Variants in MYOF observed in about 807,000 individuals in gnomAD.
The protein encoded by MYOF is fer-1-like 3, myoferlin.
Under a neutral mutation model 284.2 loss-of-function variants are expected in MYOF, and 244 were observed. The observed-to-expected ratio is 0.86, with a 90% confidence interval of 0.77 to 0.95. The LOEUF (loss-of-function observed/expected upper bound fraction) is 0.95. Among genes scored for constraint, MYOF ranks in the 40% least tolerant of loss-of-function variants. MYOF has a pLI of 0.00. For missense variants in MYOF, 2,496 were observed against 2,560.6 expected, an observed-to-expected ratio of 0.97 and a Z score of 0.54; for synonymous variants, 904 against 919.7, an observed-to-expected ratio of 0.98 and a Z score of 0.31.
At chr10:93,466,503 A>G (rs963145948) in intron 1 of MYOF, among the ~76,000 whole-genome samples, 2 of 152,162 alleles carry the variant, frequency 1.3e-5, no homozygotes, top group South Asian at 2.1e-4. Flanking sequence ...AGTCCAGTCC[A>G]TTTGAATGAC....
intron 1 of MYOF, among the ~76,000 whole-genome samples, chr10:93,468,754 C>T (rs1185214149): frequency 6.6e-6 from 1 of 152,204 alleles, no homozygotes; most frequent in African/African-American, 2.4e-5. Context: ...GCATGGCTTT[C>T]ACCTCTGGGC....
intron 3 of MYOF, among the ~76,000 whole-genome samples, chr10:93,446,936 C>G (rs148151524): frequency 6.6e-6 from 1 of 152,022 alleles, no homozygotes; most frequent in African/African-American, 2.4e-5. Flanking sequence ...AGGCTGTTCT[C>G]GAACTCCTGG....
At chr10:93,320,158 T>C (rs1842792420) in intron 48 of MYOF, 145 bp from the exon 49 acceptor site, 1 of 950,918 alleles carries the variant, frequency 1.1e-6, no homozygotes, top group Admixed American at 2.5e-5. Context: ...GAGCTGGGGG[T>C]GATTTATGGA....
chr10:93,333,192 C>A (rs1212667559), intron 43 of MYOF, 29 bp downstream of exon 43: 4 of 1,574,230 alleles, frequency 2.5e-6, no homozygotes, highest in Non-Finnish European at 3.5e-6. Context: ...GAAATGAAGG[C>A]CAGAAAAACA....
At chr10:93,373,176 G>C in intron 23 of MYOF, 91 bp from the exon 24 acceptor site, 1 of 1,459,420 alleles carries the variant, frequency 6.9e-7, no homozygotes, top group South Asian at 1.2e-5. Flanking sequence ...GACCCTCAGG[G>C]ATTCATTTAG....
intron 1 of MYOF, among the ~76,000 whole-genome samples, chr10:93,478,691 G>A (rs12251739): frequency 0.053 from 7,967 of 151,388 alleles, 495 homozygotes; most frequent in East Asian, 0.23. Context: ...AATTAGCTGG[G>A]CATGGTGGTG....
chr10:93,466,650 G>C (rs998085170), intron 1 of MYOF, among the ~76,000 whole-genome samples: 31 of 152,192 alleles, frequency 2.0e-4, no homozygotes, highest in Admixed American at 2.0e-3. Flanking sequence ...TGTGTTGTGT[G>C]CTGGGCATAT....
chr10:93,446,777 G>C (rs986631228), intron 3 of MYOF, among the ~76,000 whole-genome samples: 9 of 151,904 alleles, frequency 5.9e-5, no homozygotes, highest in Admixed American at 1.3e-4. Flanking sequence ...CTGGAGCGCA[G>C]TGGTGTGATC....
chr10:93,343,739 A>T, intron 38 of MYOF, 117 bp downstream of exon 38: 5 of 1,035,074 alleles, frequency 4.8e-6, no homozygotes, highest in Non-Finnish European at 7.4e-6. Flanking sequence ...CAATAAATGG[A>T]TTGGCTGATG....
chr10:93,308,586 A>G (rs1436355807), intron 53 of MYOF, among the ~76,000 whole-genome samples: 3 of 148,322 alleles, frequency 2.0e-5, no homozygotes, highest in Non-Finnish European at 4.5e-5. Context: ...CTCTGTCTCA[A>G]AAAAAAAAAA....
At chr10:93,408,070 C>T (rs1471055942) in intron 7 of MYOF, among the ~76,000 whole-genome samples, 1 of 152,082 alleles carries the variant, frequency 6.6e-6, no homozygotes, top group Non-Finnish European at 1.5e-5. Context: ...AAAGGCATCT[C>T]ACTATATTGC....
At position 93,310,111 on chromosome 10, in the gene MYOF, A is replaced by AT. The variant is rs1842315285; in HGVS notation, c.6055dup (p.Ile2019AsnfsTer7). ...GACCCACTTAAAGCGGCGCCACACG[A>AT]TGAACTTCATGGTCTTGCATGGGTT... On this transcript the variant is annotated frameshift_variant, in exon 53 of 54. Coordinates refer to ENST00000359263, the MANE Select transcript of MYOF (RefSeq NM_013451.4). LOFTEE classifies it high-confidence loss of function. 2 of 1,614,164 alleles carry AT rather than the reference A, an allele frequency of 1.2e-6. No individual in the cohort carries two copies. The highest frequency in any genetic ancestry group is 1.7e-6 in the Non-Finnish European group (2 of 1,180,030).
In MYOF at chr10:93,442,538, T is replaced by C. The variant is rs1481533966; in HGVS notation, c.236+9512A>G. 7.2e-5 allele frequency among the ~76,000 whole-genome samples: 11 copies of C among 152,290 alleles called. No individual in the cohort carries two copies. In the East Asian group the frequency reaches 1.9e-3, roughly 27 times the overall value. ...ACTGGAATACATTTCCTTCTAGGTA[T>C]ATTGTCAGGCCTTTTTGTTATCTCC... On this transcript the variant is annotated intron_variant, in intron 3 of 53. Transcript: ENST00000359263.
At chr10:93,388,453 C>T (rs1012676538) in intron 18 of MYOF, among the ~76,000 whole-genome samples, 2 of 152,150 alleles carry the variant, frequency 1.3e-5, no homozygotes, top group African/African-American at 4.8e-5. Flanking sequence ...GGATACTTCT[C>T]CCACCATACC....
chr10:93,306,721 A>AAAAC lies in MYOF; in HGVS notation c.*238_*241dup, dbSNP rs1412712386. The AAAAC allele has an allele frequency of 6.5e-6, 3 of 463,570 alleles. No individual in the cohort carries two copies. The highest frequency in any genetic ancestry group is 1.1e-5 in the Non-Finnish European group (3 of 266,062). The allele number at this position is 463,570 out of a possible 1,614,324, so 28.7% of individuals were successfully genotyped here. On this transcript the variant is annotated 3_prime_UTR_variant, in exon 54 of 54. Transcript: ENST00000359263. Reference sequence around the variant, plus strand: ...CCAGCCACCTTGAAAAATATTTTGAAAAACATGATTTAAACTTTAGAAAAT... The same window carrying AAAAC: ...CCAGCCACCTTGAAAAATATTTTGAAAAACAAACATGATTTAAACTTTAGAAAAT...
At chr10:93,409,498 A>C in intron 6 of MYOF, 75 bp downstream of exon 6, 1 of 1,531,622 alleles carries the variant, frequency 6.5e-7, no homozygotes, top group South Asian at 1.2e-5. Context: ...AGGTCCACTG[A>C]AACATCACTG....
At chr10:93,401,244 G>A (rs1305099953) in intron 12 of MYOF, among the ~76,000 whole-genome samples, 174 bp downstream of exon 12, 2 of 152,174 alleles carry the variant, frequency 1.3e-5, no homozygotes, top group African/African-American at 4.8e-5. Context: ...GCTGTGCCAT[G>A]AGCCTGCTCA....
At chr10:93,374,437 C>T (rs1337170355) in intron 23 of MYOF, among the ~76,000 whole-genome samples, 1 of 152,174 alleles carries the variant, frequency 6.6e-6, no homozygotes, top group East Asian at 1.9e-4. Flanking sequence ...TCTTCCCAAC[C>T]CCAGCCAAAG....
At chr10:93,333,996 G>A in intron 41 of MYOF, 83 bp from the exon 42 acceptor site, 4 of 1,411,756 alleles carry the variant, frequency 2.8e-6, no homozygotes, top group South Asian at 1.3e-5. Flanking sequence ...CTCCGCCAGG[G>A]GTGTGGGATT....
Sources: gnomAD v4.1 joint callset for allele counts (sites outside exome capture counted in the v4.1 genomes callset) on GRCh38, gnomAD v4.1.1 for gene constraint, MANE v1.5 for transcripts, NCBI Gene and HGNC (gene_info 2026-07-23, HGNC 2026-07-21) for gene names.